The following ETFB variants were observed in gnomAD, a reference collection of about 807,000 sequenced individuals.
ETFB encodes the protein beta-ETF.
In ETFB, 20 loss-of-function variants were observed where a neutral mutation model predicts 25.6. That is an observed-to-expected ratio of 0.78 (90% CI 0.55 to 1.14). The LOEUF (loss-of-function observed/expected upper bound fraction) is 1.14, where lower values mean the gene tolerates loss of function less well. Among genes scored for constraint, ETFB ranks in the 50% most tolerant of loss-of-function variants. ETFB has a pLI of 0.00. For missense variants in ETFB, 286 were observed against 342.6 expected (o/e 0.83, Z 1.30); for synonymous variants, 142 against 146.7 (o/e 0.97, Z 0.23).
chr19:51,355,319 G>A (rs1475799317), intron 1 of ETFB: 1 of 152,270 alleles, frequency 6.6e-6, no homozygotes, highest in Non-Finnish European at 1.5e-5. Context: ...AGACATTTAT[G>A]CAGCCAAAAA....
chr19:51,366,271 T>C lies in ETFB; in HGVS notation c.56A>G (p.Lys19Arg), dbSNP rs767751467. 2 of 1,613,984 alleles carry C rather than the reference T, an allele frequency of 1.2e-6. No homozygotes were observed. The highest frequency in any genetic ancestry group is 1.7e-6 in the Non-Finnish European group (2 of 1,179,942). The change falls in exon 1 of 6, where the codon AAG becomes AGG. Residue 19 changes from lysine (K) to arginine (R), a missense_variant and splice_region_variant. By Grantham distance (26) the Lys-to-Arg change is conservative. Transcript: ENST00000309244. ...TGTGGGAGAGGGGGGCCCGATCACC[T>C]TCACGGCGTAGTCGATGACCCTCTT... is the stretch of plus-strand genomic sequence containing the variant. Reference protein sequence around the residue: ...AVKRVIDYAVKIRVKPDRTGV... With the variant: ...AVKRVIDYAVRIRVKPDRTGV...
intron 1 of ETFB, among the ~76,000 whole-genome samples, chr19:51,361,299 G>A (rs904522847): frequency 2.0e-5 from 3 of 152,218 alleles, no homozygotes; most frequent in South Asian, 2.1e-4. Flanking sequence ...AAGGACTTGT[G>A]TGGTTCTGTC....
intron 3 of ETFB, among the ~76,000 whole-genome samples, chr19:51,351,143 G>A (rs1269421549): frequency 6.6e-6 from 1 of 152,204 alleles, no homozygotes; most frequent in Non-Finnish European, 1.5e-5. Context: ...ACAGGGTCTG[G>A]GCCAGCAAGG....
intron 1 of ETFB, among the ~76,000 whole-genome samples, chr19:51,364,410 T>C (rs780822975): frequency 4.6e-5 from 7 of 152,116 alleles, no homozygotes; most frequent in Non-Finnish European, 7.4e-5. Context: ...GAAAGGACAG[T>C]AGCTGATTCA....
chr19:51,354,698 G>A, intron 1 of ETFB: 1 of 1,596,356 alleles, frequency 6.3e-7, no homozygotes. Flanking sequence ...ATACAAATGA[G>A]GAGAAGAAAA....
intron 5 of ETFB, chr19:51,346,446 G>A (rs901931118): frequency 1.8e-4 from 4 of 22,288 alleles, no homozygotes; most frequent in South Asian, 1.1e-3. Flanking sequence ...ATGACCCAGC[G>A]AACCCATCTA....
chr19:51,347,094 G>A (rs749331575), intron 4 of ETFB, 36 bp from the exon 5 acceptor site: 1 of 1,611,388 alleles, frequency 6.2e-7, no homozygotes, highest in South Asian at 1.1e-5. Flanking sequence ...AGTGGGTGAG[G>A]CTAATTCAGG....
intron 1 of ETFB, among the ~76,000 whole-genome samples, chr19:51,360,722 T>C (rs1986199765): frequency 6.6e-6 from 1 of 152,194 alleles, no homozygotes; most frequent in African/African-American, 2.4e-5. Flanking sequence ...TGTTGTCCAC[T>C]GCAGGCAAGA....
chr19:51,354,967 A>G, intron 1 of ETFB: 1 of 326,718 alleles, frequency 3.1e-6, no homozygotes, highest in South Asian at 3.2e-5. Flanking sequence ...TTACAGAAAC[A>G]AGAGAAGCGG....
chr19:51,361,150 C>T (rs567889907), intron 1 of ETFB, among the ~76,000 whole-genome samples: 8 of 152,146 alleles, frequency 5.3e-5, no homozygotes, highest in South Asian at 2.1e-4. Flanking sequence ...AGGCTGGTCT[C>T]GAACTCCTGA....
chr19:51,357,989 A>G (rs1986125060), intron 1 of ETFB, among the ~76,000 whole-genome samples: 1 of 152,230 alleles, frequency 6.6e-6, no homozygotes, highest in African/African-American at 2.4e-5. Context: ...TGATGGGAAG[A>G]TGACACCAAA....
rs1365367272 is a variant in ETFB, at chr19:51,354,270, A to G, written c.96T>C (p.Asp32=). The change falls in exon 2 of 6, where the codon GAT becomes GAC. Residue 32 remains aspartate (D), a synonymous_variant. Coordinates refer to ENST00000309244, the MANE Select transcript of ETFB (RefSeq NM_001985.3). ...VKPDRTGVVT[D]GVKHSMNPFC... ...AGGGGTTCATGGAGTGCTTCACACCATCCGTGACCACACCGGTCCTGTCAG... is the reference window on the plus strand; with the variant it reads ...AGGGGTTCATGGAGTGCTTCACACCGTCCGTGACCACACCGGTCCTGTCAG... 1 of 1,614,020 alleles carries G rather than the reference A, an allele frequency of 6.2e-7. No homozygotes were observed. The highest frequency in any genetic ancestry group is 8.5e-7 in the Non-Finnish European group (1 of 1,179,998).
intron 1 of ETFB, chr19:51,354,753 G>C: frequency 8.1e-7 from 1 of 1,230,432 alleles, no homozygotes; most frequent in Non-Finnish European, 1.1e-6. Context: ...CCTCAGAGGA[G>C]CAGCCTGCCT....
rs1227484897 is a variant in ETFB at position 51,366,310 on chromosome 19, A to G, written c.17T>C (p.Val6Ala). 8 of 1,613,006 alleles carry G rather than the reference A, an allele frequency of 5.0e-6. No individual in the cohort carries two copies. The highest frequency in any genetic ancestry group is 6.8e-6 in the Non-Finnish European group (8 of 1,179,950). Residue 6 changes from valine (V) to alanine (A), a missense_variant, in exon 1 of 6, where the codon GTG becomes GCG. Transcript: ENST00000309244. MAELR[V>A]LVAVKRVIDY... ...GATGACCCTCTTGACAGCTACGAGC[A>G]CGCGCAGCTCCGCCATCTTCCCGCC...
chr19:51,360,231 A>C (rs1223235414), intron 1 of ETFB, among the ~76,000 whole-genome samples: 2 of 151,832 alleles, frequency 1.3e-5, no homozygotes, highest in Non-Finnish European at 2.9e-5. Context: ...GTAAAACCCC[A>C]TCTCTACTAA....
intron 5 of ETFB, chr19:51,345,582 G>T (rs147950616): frequency 1.1e-5 from 7 of 616,190 alleles, no homozygotes; most frequent in Non-Finnish European, 1.8e-5. Context: ...GCCCTGGGAG[G>T]CCCAACTACT....
chr19:51,359,531 C>T (rs1247006402), intron 1 of ETFB, among the ~76,000 whole-genome samples: 1 of 152,074 alleles, frequency 6.6e-6, no homozygotes, highest in Non-Finnish European at 1.5e-5. Context: ...CCCTAAGCTC[C>T]TGATTCCCAG....
intron 1 of ETFB, among the ~76,000 whole-genome samples, chr19:51,362,162 T>TACAC (rs59581815): frequency 9.3e-4 from 134 of 144,642 alleles, no homozygotes; most frequent in African/African-American, 3.2e-3. Context: ...CGGACACACA[T>TACAC]ACACACACAC....
intron 1 of ETFB, among the ~76,000 whole-genome samples, chr19:51,358,005 G>A (rs1986125266): frequency 6.6e-6 from 1 of 152,174 alleles, no homozygotes; most frequent in African/African-American, 2.4e-5. Context: ...CCAAAAAGGG[G>A]CTTCCAGTCA....
Sources: allele counts gnomAD v4.1 joint callset (sites outside exome capture counted in the v4.1 genomes callset), GRCh38; gene constraint gnomAD v4.1.1; transcripts MANE v1.5; gene names NCBI Gene and HGNC (gene_info 2026-07-23, HGNC 2026-07-21).